Variants in PRKG1 observed in about 807,000 individuals in gnomAD.
PRKG1 encodes protein kinase cGMP-dependent 1.
A neutral mutation model predicts 88.1 loss-of-function variants in PRKG1; 35 were observed. The ratio of observed to expected loss-of-function variants is 0.40; its 90% CI spans 0.30 to 0.53. The LOEUF (loss-of-function observed/expected upper bound fraction) is 0.53. Among genes scored for constraint, PRKG1 ranks in the 20% least tolerant of loss-of-function variants. The pLI, the probability that PRKG1 is intolerant of heterozygous loss-of-function variation, is 0.59. For missense variants in PRKG1, 540 were observed against 839.8 expected, an observed-to-expected ratio of 0.64 and a Z score of 4.41; for synonymous variants, 303 against 292.5, an observed-to-expected ratio of 1.04 and a Z score of -0.37.
intron 3 of PRKG1, among the ~76,000 whole-genome samples, chr10:51,682,692 G>A (rs1840881624): frequency 6.6e-6 from 1 of 152,202 alleles, no homozygotes. Context: ...TACCCTTGGA[G>A]GTAGTTTGTC....
chr10:51,446,284 C>T (rs1397292398), intron 2 of PRKG1, among the ~76,000 whole-genome samples: 1 of 151,874 alleles, frequency 6.6e-6, no homozygotes, highest in Non-Finnish European at 1.5e-5. Flanking sequence ...AGTGTTCCTC[C>T]TGTTCCTAGA....
intron 5 of PRKG1, among the ~76,000 whole-genome samples, chr10:52,001,873 T>A (rs1173893540): frequency 6.6e-6 from 1 of 152,020 alleles, no homozygotes; most frequent in Non-Finnish European, 1.5e-5. Flanking sequence ...CTTCACCTCA[T>A]ACATCTTTTA....
chr10:51,030,990 T>C (rs953395369), intron 1 of PRKG1, among the ~76,000 whole-genome samples: 4 of 152,314 alleles, frequency 2.6e-5, no homozygotes, highest in African/African-American at 7.2e-5. Context: ...GATTCACTGA[T>C]TTTAATTTTT....
At chr10:52,105,422 A>G (rs114966873) in intron 7 of PRKG1, among the ~76,000 whole-genome samples, 1,530 of 152,276 alleles carry the variant, frequency 0.01, 23 homozygotes, top group African/African-American at 0.031. Context: ...GGAAGCGATA[A>G]TAACCCTGAA....
intron 3 of PRKG1, among the ~76,000 whole-genome samples, chr10:51,565,589 C>T (rs866161221): frequency 3.6e-4 from 54 of 152,058 alleles, no homozygotes; most frequent in African/African-American, 1.3e-3. Flanking sequence ...AAATTAGCTG[C>T]AATTTAAGTA....
At chr10:51,802,361 A>G (rs1839193937) in intron 3 of PRKG1, among the ~76,000 whole-genome samples, 1 of 152,178 alleles carries the variant, frequency 6.6e-6, no homozygotes, top group African/African-American at 2.4e-5. Flanking sequence ...CTACAGTTTT[A>G]CCTAGAGACA....
Position 51,819,775 on chromosome 10 carries a change from T to C in PRKG1, c.698+15085T>C, listed in dbSNP as rs1220455836. ...GGGGCACATAGGGACAGATCTGGAA[T>C]TTTCATGAAGCTGAGGGTCTATGCT... On this transcript the variant is annotated intron_variant, in intron 4 of 17. Transcript: ENST00000373980. Among the ~76,000 whole-genome samples the C allele has an allele frequency of 2.6e-5, 4 of 152,114 alleles. No individual in the cohort carries two copies. The East Asian group carries it at 7.7e-4, about 29-fold the overall frequency.
intron 9 of PRKG1, among the ~76,000 whole-genome samples, chr10:52,188,225 CATATGTATATATATACATAT>C (rs1839253475): frequency 1.9e-4 from 4 of 20,966 alleles, no homozygotes; most frequent in African/African-American, 6.2e-4. Context: ...TATATATATA[CATATGTATATATATACATAT>C]ATATGTGTAT....
chr10:51,453,548 C>T (rs988749429), intron 2 of PRKG1, among the ~76,000 whole-genome samples: 2 of 151,696 alleles, frequency 1.3e-5, no homozygotes, highest in Non-Finnish European at 2.9e-5. Flanking sequence ...TTTTAATTTC[C>T]ATCTTGGTTT....
chr10:51,206,981 T>G (rs1450586499), intron 2 of PRKG1, among the ~76,000 whole-genome samples: 1 of 152,186 alleles, frequency 6.6e-6, no homozygotes, highest in African/African-American at 2.4e-5. Flanking sequence ...ATTTGTTAGT[T>G]TTTTTTAAAT....
At chr10:51,401,389 G>A (rs1207108901) in intron 2 of PRKG1, among the ~76,000 whole-genome samples, 1 of 152,110 alleles carries the variant, frequency 6.6e-6, no homozygotes, top group Non-Finnish European at 1.5e-5. Context: ...TGGAGACCAG[G>A]AAGTGGGATA....
chr10:51,325,437 G>A (rs532479870), intron 2 of PRKG1, among the ~76,000 whole-genome samples: 6 of 152,262 alleles, frequency 3.9e-5, no homozygotes, highest in African/African-American at 1.2e-4. Flanking sequence ...GACCTCAAGT[G>A]AAACGCCTGC....
chr10:52,209,631 A>G (rs1479781033), intron 9 of PRKG1, among the ~76,000 whole-genome samples: 1 of 152,138 alleles, frequency 6.6e-6, no homozygotes, highest in Non-Finnish European at 1.5e-5. Context: ...AGAAGTCATA[A>G]TCTCATGAGG....
chr10:51,169,137 T>G (rs1042603654), intron 2 of PRKG1, among the ~76,000 whole-genome samples: 2 of 152,206 alleles, frequency 1.3e-5, no homozygotes, highest in African/African-American at 4.8e-5. Flanking sequence ...ACTGTGCTTA[T>G]TTTTCACTTA....
At chr10:51,182,279 T>G (rs1473712532) in intron 2 of PRKG1, among the ~76,000 whole-genome samples, 2 of 152,122 alleles carry the variant, frequency 1.3e-5, no homozygotes, top group African/African-American at 4.8e-5. Flanking sequence ...AAAGCCAGAG[T>G]TCTTTTTTGA....
At chr10:52,098,973 C>T (rs944526233) in intron 7 of PRKG1, among the ~76,000 whole-genome samples, 1 of 152,150 alleles carries the variant, frequency 6.6e-6, no homozygotes, top group African/African-American at 2.4e-5. Context: ...GCAATTCACT[C>T]CAGGGAGATA....
intron 9 of PRKG1, among the ~76,000 whole-genome samples, chr10:52,216,029 C>CA (rs1840102861): frequency 6.6e-6 from 1 of 152,116 alleles, no homozygotes; most frequent in South Asian, 2.1e-4. Flanking sequence ...AGGAAACAAG[C>CA]AAACTGTACA....
chr10:51,944,404 A>T (rs1009174538), intron 5 of PRKG1, among the ~76,000 whole-genome samples: 5 of 152,030 alleles, frequency 3.3e-5, no homozygotes, highest in African/African-American at 1.2e-4. Flanking sequence ...TCAAAAAACC[A>T]GCTCCTGGAT....
At chr10:51,433,194 C>T (rs1165083435) in intron 2 of PRKG1, among the ~76,000 whole-genome samples, 5 of 151,938 alleles carry the variant, frequency 3.3e-5, no homozygotes, top group Non-Finnish European at 7.4e-5. Flanking sequence ...AATTTTTTTT[C>T]TATTAATCTG....
Sources: allele counts gnomAD v4.1 joint callset (sites outside exome capture counted in the v4.1 genomes callset), GRCh38; gene constraint gnomAD v4.1.1; transcripts MANE v1.5; gene names NCBI Gene and HGNC (gene_info 2026-07-23, HGNC 2026-07-21).